Variants in SORCS1 observed in about 807,000 individuals in gnomAD.
SORCS1 encodes VPS10 domain-containing receptor SorCS1.
In SORCS1, 60 loss-of-function variants were observed where a neutral mutation model predicts 146.1. The observed-to-expected ratio is 0.41, with a 90% CI of 0.33 to 0.51. The LOEUF is 0.51. Ranked by LOEUF, SORCS1 falls within the 20% of genes least tolerant of loss-of-function variation. The pLI is 0.21. For missense variants in SORCS1, 1,352 were observed against 1,487.6 expected (o/e 0.91, Z 1.50); for synonymous variants, 637 against 584.0 (o/e 1.09, Z -1.31).
chr10:106,609,713 C>T (rs1846846879), intron 22 of SORCS1, among the ~76,000 whole-genome samples: 1 of 152,222 alleles, frequency 6.6e-6, no homozygotes, highest in South Asian at 2.1e-4. Flanking sequence ...CCTGATTATG[C>T]TACACAGCAG....
chr10:107,133,888 T>C (rs1392254686), intron 1 of SORCS1, among the ~76,000 whole-genome samples: 1 of 152,234 alleles, frequency 6.6e-6, no homozygotes, highest in Non-Finnish European at 1.5e-5. Context: ...CTAACAAACA[T>C]AAATAGCTTA....
chr10:106,737,822 G>T, intron 5 of SORCS1, among the ~76,000 whole-genome samples: 1 of 152,110 alleles, frequency 6.6e-6, no homozygotes. Flanking sequence ...ACAGAGAAAT[G>T]CACTTCAACT....
At chr10:106,983,217 T>TAC (rs1442732094) in intron 1 of SORCS1, among the ~76,000 whole-genome samples, 5 of 147,408 alleles carry the variant, frequency 3.4e-5, no homozygotes, top group African/African-American at 1.2e-4. Context: ...TATATAAATA[T>TAC]ATATACATAT....
At chr10:106,755,506 C>T (rs954377841) in intron 5 of SORCS1, among the ~76,000 whole-genome samples, 6 of 152,134 alleles carry the variant, frequency 3.9e-5, no homozygotes, top group African/African-American at 1.4e-4. Context: ...GAATTATATC[C>T]TTATGACACT....
intron 2 of SORCS1, among the ~76,000 whole-genome samples, chr10:106,878,137 T>A (rs2137672605): frequency 6.6e-6 from 1 of 151,840 alleles, no homozygotes; most frequent in Non-Finnish European, 1.5e-5. Flanking sequence ...GTAGTAAATT[T>A]TTATGAGCGG....
intron 22 of SORCS1, among the ~76,000 whole-genome samples, chr10:106,611,456 C>A (rs2133415184): frequency 6.6e-6 from 1 of 152,300 alleles, no homozygotes; most frequent in East Asian, 1.9e-4. Context: ...ATGCTCACTG[C>A]ACTGTTATGC....
In SORCS1 at chr10:106,660,932, G is replaced by T. The variant is rs1172845872; in HGVS notation, c.2303+6757C>A. Among the ~76,000 whole-genome samples, 4 of 152,292 alleles carry T rather than the reference G, an allele frequency of 2.6e-5. 1 individual carries two copies. In the East Asian group the frequency reaches 7.7e-4, roughly 29 times the overall value. The stretch of plus-strand genomic sequence containing the variant: ...AATATCTCCAGCTTAATAGCAGGAA[G>T]AAATCTTTCCCTTGAGAAGATTATC... On this transcript the variant is annotated intron_variant, in intron 17 of 25. Transcript: ENST00000263054.
chr10:107,083,383 C>A (rs539089447), intron 1 of SORCS1, among the ~76,000 whole-genome samples: 1 of 152,170 alleles, frequency 6.6e-6, no homozygotes, highest in Admixed American at 6.5e-5. Flanking sequence ...TGTTTTATTT[C>A]AATTTTTTCC....
rs575903916 is a variant in SORCS1 at position 106,968,020 on chromosome 10, C to T, written c.559-11440G>A. On this transcript the variant is annotated intron_variant, in intron 1 of 25. Transcript: ENST00000263054. ...GAAATCGAGACCATCCTGGCTAACA[C>T]GGTGAAACCCCGTCTCTACTAAAGA... Among the ~76,000 whole-genome samples the T allele has an allele frequency of 1.8e-4, 27 of 149,472 alleles. No individual in the cohort carries two copies. In the South Asian group the frequency reaches 3.4e-3, roughly 19 times the overall value.
chr10:107,178,051 T>C, the SORCS1 span, among the ~76,000 whole-genome samples: 1 of 152,122 alleles, frequency 6.6e-6, no homozygotes, highest in African/African-American at 2.4e-5. Context: ...TAATGGATGA[T>C]GGGCTTAATA....
chr10:107,148,131 T>A (rs772275512), intron 1 of SORCS1, among the ~76,000 whole-genome samples: 1 of 152,016 alleles, frequency 6.6e-6, no homozygotes, highest in Non-Finnish European at 1.5e-5. Flanking sequence ...TGGTTAGGAG[T>A]GTGTATGCCT....
chr10:106,784,766 T>C (rs769903298), intron 3 of SORCS1, among the ~76,000 whole-genome samples: 1 of 152,208 alleles, frequency 6.6e-6, no homozygotes, highest in Non-Finnish European at 1.5e-5. Flanking sequence ...ATAAGAAATC[T>C]CTTTATTCCA....
chr10:107,042,610 T>A, intron 1 of SORCS1, among the ~76,000 whole-genome samples: 1 of 108,584 alleles, frequency 9.2e-6, no homozygotes, highest in South Asian at 2.7e-4. Flanking sequence ...GGAAGTGAAC[T>A]ATTTTTTTTT....
upstream of SORCS1, among the ~76,000 whole-genome samples, chr10:107,164,839 G>C (rs972727370): frequency 2.7e-5 from 4 of 147,076 alleles, no homozygotes; most frequent in African/African-American, 4.9e-5. The surrounding 1 kb of genome is among the most constrained non-coding windows in gnomAD (Gnocchi z 6.8). Context: ...GACTCCGGGC[G>C]CCGCGTCCCG....
chr10:106,931,981 A>G (rs1369840332), intron 2 of SORCS1, among the ~76,000 whole-genome samples: 2 of 152,206 alleles, frequency 1.3e-5, no homozygotes, highest in African/African-American at 4.8e-5. Context: ...CAATTTTTCC[A>G]TAACAGCAGT....
chr10:107,123,319 T>C (rs1966513228), intron 1 of SORCS1, among the ~76,000 whole-genome samples: 1 of 152,206 alleles, frequency 6.6e-6, no homozygotes, highest in African/African-American at 2.4e-5. Flanking sequence ...TAAAGCAATA[T>C]AGAAGATAAC....
At chr10:106,770,138 T>C (rs1859905516) in intron 4 of SORCS1, among the ~76,000 whole-genome samples, 1 of 152,060 alleles carries the variant, frequency 6.6e-6, no homozygotes, top group Non-Finnish European at 1.5e-5. Context: ...AAACAGAACC[T>C]CCCTATCAAA....
At chr10:106,590,808 C>T (rs1258965440) in intron 24 of SORCS1, among the ~76,000 whole-genome samples, 1 of 152,132 alleles carries the variant, frequency 6.6e-6, no homozygotes, top group African/African-American at 2.4e-5. Context: ...GTGCACGCCA[C>T]CATGCCTGGC....
At chr10:106,587,204 C>T (rs1282032114) in intron 24 of SORCS1, among the ~76,000 whole-genome samples, 4 of 152,034 alleles carry the variant, frequency 2.6e-5, no homozygotes, top group South Asian at 2.1e-4. Context: ...GAAAACATAT[C>T]GGTACCAAGG....
Sources: allele counts gnomAD v4.1 joint callset (sites outside exome capture counted in the v4.1 genomes callset), GRCh38; gene constraint gnomAD v4.1.1; non-coding constraint Gnocchi (gnomAD v3.1); transcripts MANE v1.5; gene names NCBI Gene and HGNC (gene_info 2026-07-23, HGNC 2026-07-21).